MTARC1: variants seen among roughly 807,000 people sequenced by gnomAD.
MTARC1 encodes the protein mitochondrial amidoxime reducing component 1.
A neutral mutation model predicts 33.6 loss-of-function variants in MTARC1; 24 were observed. That is an observed-to-expected ratio of 0.72 (90% CI 0.52 to 1.01). The LOEUF is 1.01. Ranked by LOEUF, MTARC1 falls within the 50% of genes least tolerant of loss-of-function variation. The pLI is 0.00. For missense variants in MTARC1, 417 were observed against 445.7 expected (o/e 0.94, Z 0.58); for synonymous variants, 187 against 189.5 (o/e 0.99, Z 0.11).
chr1:220,788,021 AAG>A, intron 1 of MTARC1, among the ~76,000 whole-genome samples: 1 of 152,210 alleles, frequency 6.6e-6, no homozygotes, highest in African/African-American at 2.4e-5. Flanking sequence ...AAAAGAAAGA[AAG>A]AAAGAAAGAG....
chr1:220,795,738 T>C (rs1672591116), intron 2 of MTARC1, among the ~76,000 whole-genome samples: 1 of 152,236 alleles, frequency 6.6e-6, no homozygotes, highest in African/African-American at 2.4e-5. Flanking sequence ...CATTACTAAA[T>C]TCTAGCTAGA....
intron 6 of MTARC1, 124 bp downstream of exon 6, chr1:220,805,398 A>G (rs1312733100): frequency 2.0e-6 from 2 of 1,019,644 alleles, no homozygotes; most frequent in Non-Finnish European, 3.0e-6. Flanking sequence ...GAAACTCAAG[A>G]GGGTCCCATT....
Position 220,813,336 on chromosome 1 carries a change from CA to C in MTARC1, c.933del (p.Pro312HisfsTer65). 1 of 1,614,148 alleles carries C rather than the reference CA, an allele frequency of 6.2e-7. No homozygotes were observed. On this transcript the variant is annotated frameshift_variant, in exon 7 of 7. Coordinates refer to ENST00000366910, the MANE Select transcript of MTARC1 (RefSeq NM_022746.4). LOFTEE classifies it high-confidence loss of function. Reference sequence around the variant, plus strand: ...TCAGAACGAAAGTTATATGGAAAATCACCACTCTTTGGGCAGTATTTTGTGC... The same window carrying C: ...TCAGAACGAAAGTTATATGGAAAATCCCACTCTTTGGGCAGTATTTTGTGC... ...DPSERKLYGK[S>X]PLFGQYFVLE... is the part of the protein sequence containing the mutation.
intron 6 of MTARC1, among the ~76,000 whole-genome samples, chr1:220,812,555 C>T (rs1057017294): frequency 6.6e-6 from 1 of 152,174 alleles, no homozygotes; most frequent in Non-Finnish European, 1.5e-5. Context: ...AACCTTGGAA[C>T]TCGGCAGCTG....
chr1:220,791,789 T>C, intron 2 of MTARC1, 125 bp downstream of exon 2: 2 of 1,035,694 alleles, frequency 1.9e-6, no homozygotes, highest in Middle Eastern at 2.1e-4. Context: ...ATGTGTACCA[T>C]ATACAGAATG....
intron 2 of MTARC1, among the ~76,000 whole-genome samples, chr1:220,792,760 CA>C (rs145841935): frequency 6.6e-6 from 1 of 151,652 alleles, no homozygotes; most frequent in East Asian, 1.9e-4. Context: ...TGAAATAATA[CA>C]AAAAATCCTT....
intron 1 of MTARC1, among the ~76,000 whole-genome samples, chr1:220,787,576 G>A (rs1235461104): frequency 2.0e-5 from 3 of 152,190 alleles, no homozygotes; most frequent in Non-Finnish European, 4.4e-5. Context: ...CTAGCTTGAA[G>A]AGGTTGGTTC....
intron 2 of MTARC1, chr1:220,793,983 C>A (rs1342492641): frequency 6.6e-6 from 1 of 151,966 alleles, no homozygotes; most frequent in African/African-American, 2.4e-5. Flanking sequence ...AACCTGAACC[C>A]CAGGATCTAG....
chr1:220,790,951 G>A (rs1378311207), intron 1 of MTARC1: 1 of 152,422 alleles, frequency 6.6e-6, no homozygotes, highest in Non-Finnish European at 1.5e-5. Flanking sequence ...CTGAATGTTG[G>A]AACATAAAAT....
At chr1:220,801,632 G>C (rs1489733771) in intron 4 of MTARC1, among the ~76,000 whole-genome samples, 1 of 152,210 alleles carries the variant, frequency 6.6e-6, no homozygotes, top group African/African-American at 2.4e-5. Context: ...GAGAGGAGGG[G>C]AGCTGAGAGC....
chr1:220,787,997 G>A (rs1312033848), intron 1 of MTARC1, among the ~76,000 whole-genome samples: 1 of 150,552 alleles, frequency 6.6e-6, no homozygotes, highest in African/African-American at 2.4e-5. Flanking sequence ...AACAGAGCGA[G>A]ACTCCGAATC....
intron 6 of MTARC1, among the ~76,000 whole-genome samples, chr1:220,809,870 T>G (rs1353353033): frequency 6.6e-6 from 1 of 152,188 alleles, no homozygotes; most frequent in Non-Finnish European, 1.5e-5. Context: ...TGACTTATGG[T>G]CCCATGAACG....
At position 220,798,074 on chromosome 1, in the gene MTARC1, G is replaced by A. The variant is rs769742486; in HGVS notation, c.753+60G>A. The A allele has an allele frequency of 5.0e-6, 8 of 1,613,512 alleles. No individual in the cohort carries two copies. The East Asian group carries it at 6.7e-5, about 13-fold the overall frequency. Reference sequence around the variant, plus strand: ...TTGACTTCTTTTTTAAGGTATGAGAGTCTTTGACATTGGATTAGATTATTC... The same window carrying A: ...TTGACTTCTTTTTTAAGGTATGAGAATCTTTGACATTGGATTAGATTATTC... On this transcript the variant is annotated intron_variant, in intron 4 of 6. Transcript: ENST00000366910.
intron 6 of MTARC1, 24 bp from the exon 7 acceptor site, chr1:220,813,268 C>T: frequency 1.2e-6 from 2 of 1,613,874 alleles, no homozygotes; most frequent in Non-Finnish European, 1.7e-6. Context: ...GGCTGTGACT[C>T]ATCATGATCT....
At chr1:220,809,712 G>A (rs1164285815) in intron 6 of MTARC1, among the ~76,000 whole-genome samples, 5 of 152,172 alleles carry the variant, frequency 3.3e-5, no homozygotes, top group Non-Finnish European at 7.4e-5. Flanking sequence ...GTTTCACCAT[G>A]TTGACCAGTC....
intron 2 of MTARC1, among the ~76,000 whole-genome samples, chr1:220,794,624 C>T (rs1032152688): frequency 6.6e-6 from 1 of 151,654 alleles, no homozygotes; most frequent in African/African-American, 2.4e-5. Flanking sequence ...ATGATTACTT[C>T]CCAAGGTGAC....
At chr1:220,813,194 C>T in intron 6 of MTARC1, 98 bp from the exon 7 acceptor site, 1 of 1,522,928 alleles carries the variant, frequency 6.6e-7, no homozygotes, top group Non-Finnish European at 9.0e-7. Flanking sequence ...CCCTCTCGAG[C>T]TGTGCGTGCG....
chr1:220,804,078 T>A (rs1418915249), intron 4 of MTARC1, among the ~76,000 whole-genome samples: 1 of 152,212 alleles, frequency 6.6e-6, no homozygotes, highest in African/African-American at 2.4e-5. Context: ...GGCAATTCTC[T>A]CCGAGGGTAA....
chr1:220,791,880 C>T (rs1034189191), intron 2 of MTARC1, among the ~76,000 whole-genome samples: 10 of 152,048 alleles, frequency 6.6e-5, no homozygotes, highest in African/African-American at 2.4e-4. Flanking sequence ...AGATGACAGA[C>T]ATGAAAGTGC....
Sources: allele counts gnomAD v4.1 joint callset (sites outside exome capture counted in the v4.1 genomes callset), GRCh38; gene constraint gnomAD v4.1.1; transcripts MANE v1.5; gene names NCBI Gene and HGNC (gene_info 2026-07-23, HGNC 2026-07-21).